MROH2B: variants seen among roughly 807,000 people sequenced by gnomAD.
MROH2B encodes the protein maestro heat like repeat family member 2B.
A neutral mutation model predicts 208.6 loss-of-function variants in MROH2B; 177 were observed. The observed-to-expected ratio is 0.85, with a 90% CI of 0.75 to 0.96. MROH2B has a LOEUF of 0.96. MROH2B is among the 40% of genes least tolerant of loss of function. The pLI is 0.00. For synonymous variants in MROH2B, 728 were observed against 659.0 expected (o/e 1.10, Z -1.60); for missense variants, 2,002 against 1,878.7 (o/e 1.07, Z -1.21).
rs1741724918 is a variant in MROH2B at position 41,010,006 on chromosome 5, A to G, written c.3209T>C (p.Ile1070Thr). ...GGCTATCTGGGAGATGGCTTCTAGA[A>G]TGAACTGAAAACTTTCTTCTTTTTG... ...LRQKEESFQF[I>T]LEAISQIASF... The change falls in exon 31 of 42, where the codon ATT (isoleucine) becomes ACT (threonine). Residue 1070 changes from isoleucine (I) to threonine (T), a missense_variant. Coordinates refer to ENST00000399564, the MANE Select transcript of MROH2B (RefSeq NM_173489.5). 6.2e-7 allele frequency: 1 copy of G among 1,613,784 alleles called. No homozygotes were observed. Among genetic ancestry groups the G allele is most frequent in the Non-Finnish European group, 8.5e-7 (1 of 1,179,836 alleles).
chr5:41,005,473 T>C, intron 35 of MROH2B, 58 bp downstream of exon 35: 1 of 907,072 alleles, frequency 1.1e-6, no homozygotes, highest in Non-Finnish European at 1.6e-6. Context: ...CTCCAGACCA[T>C]AAGAGAAATA....
chr5:41,058,706 A>G (rs1041255326), intron 6 of MROH2B, among the ~76,000 whole-genome samples: 8 of 151,974 alleles, frequency 5.3e-5, no homozygotes, highest in Non-Finnish European at 1.5e-5. Flanking sequence ...TCTCTCTAAT[A>G]CTCACTTTCT....
At chr5:40,998,981 A>T (rs1355124600) in intron 40 of MROH2B, among the ~76,000 whole-genome samples, 5 of 152,158 alleles carry the variant, frequency 3.3e-5, no homozygotes, top group Non-Finnish European at 5.9e-5. Flanking sequence ...TGTCTTCAAA[A>T]ATTTCATAAT....
chr5:41,034,006 G>A (rs1742671415), intron 21 of MROH2B, 142 bp from the exon 22 acceptor site: 7 of 1,399,544 alleles, frequency 5.0e-6, no homozygotes, highest in Non-Finnish European at 6.5e-6. Context: ...GTCTTGCCAA[G>A]GGGAGGGGGG....
At chr5:41,003,098 C>T (rs377285237) in intron 37 of MROH2B, among the ~76,000 whole-genome samples, 2 of 151,850 alleles carry the variant, frequency 1.3e-5, no homozygotes, top group East Asian at 1.9e-4. Flanking sequence ...GTAGCTGGGA[C>T]TACAGGCGCG....
At chr5:41,001,482 A>G (rs954272146) in intron 37 of MROH2B, among the ~76,000 whole-genome samples, 1 of 152,170 alleles carries the variant, frequency 6.6e-6, no homozygotes, top group Non-Finnish European at 1.5e-5. Context: ...GAGCAGAGGC[A>G]GGCAGATCAC....
chr5:41,017,975 A>G lies in MROH2B; in HGVS notation c.2764-5T>C. 6.4e-7 allele frequency: 1 copy of G among 1,570,120 alleles called. No homozygotes were observed. The highest frequency in any genetic ancestry group is 1.2e-5 in the South Asian group (1 of 85,330). On this transcript the variant is annotated splice_polypyrimidine_tract_variant and splice_region_variant and intron_variant, in intron 27 of 41. Transcript: ENST00000399564. ...AATTTTAAAGTTCTCTGGTGCCTGC[A>G]GGATAAAGGAGGCATCCTATTGTGA...
Position 41,057,358 on chromosome 5 carries a change from GCT to G in MROH2B, c.757_758del (p.Ser253ProfsTer12). ...CTGCTGCAGTCAGTATTTGTTTTAGGCTCTAAAGTGGAAACTCCCACAGGTTA... is the reference window on the plus strand; with the variant it reads ...CTGCTGCAGTCAGTATTTGTTTTAGGCTAAAGTGGAAACTCCCACAGGTTA... ...DKEIDFHVTQ[S>X]LKQILTAAVL... On this transcript the variant is annotated frameshift_variant and splice_region_variant, in exon 8 of 42. Coordinates refer to ENST00000399564, the MANE Select transcript of MROH2B (RefSeq NM_173489.5). LOFTEE classifies it high-confidence loss of function. The G allele has an allele frequency of 6.4e-7, 1 of 1,568,520 alleles. No homozygotes were observed. The highest frequency in any genetic ancestry group is 8.7e-7 in the Non-Finnish European group (1 of 1,155,570).
At chr5:41,070,715 A>G in intron 1 of MROH2B, 110 bp downstream of exon 1, 4 of 1,058,586 alleles carry the variant, frequency 3.8e-6, no homozygotes, top group Non-Finnish European at 5.7e-6. Flanking sequence ...TTTGAGGTGT[A>G]CAGTCCTCCC....
rs1743431269 is a variant in MROH2B at position 41,055,809 on chromosome 5, T to C, written c.966A>G (p.Val322=). The change falls in exon 10 of 42, where the codon GTA becomes GTG. Residue 322 remains valine (V), a synonymous_variant. Coordinates refer to ENST00000399564, the MANE Select transcript of MROH2B (RefSeq NM_173489.5). The part of the protein sequence containing the change: ...GELMEFFDEQ[V]RSNNEAIRVG... Reference sequence around the variant, plus strand: ...CTCGAATGGCTTCATTATTACTTCTTACTTGTTCATCAAAAAATTCCATCA... The same window carrying C: ...CTCGAATGGCTTCATTATTACTTCTCACTTGTTCATCAAAAAATTCCATCA... 6.2e-7 allele frequency: 1 copy of C among 1,613,856 alleles called. No individual in the cohort carries two copies. Among genetic ancestry groups the C allele is most frequent in the Admixed American group, 1.7e-5 (1 of 60,022 alleles).
intron 18 of MROH2B, among the ~76,000 whole-genome samples, chr5:41,043,772 G>A (rs1320898350): frequency 6.6e-6 from 1 of 152,160 alleles, no homozygotes; most frequent in Non-Finnish European, 1.5e-5. Context: ...AATCTGGGCT[G>A]GCTTTTTGAC....
chr5:41,024,392 C>A (rs1392913745), intron 24 of MROH2B, among the ~76,000 whole-genome samples: 1 of 152,044 alleles, frequency 6.6e-6, no homozygotes, highest in African/African-American at 2.4e-5. Context: ...ATCCTAGTCT[C>A]TGATAAAACA....
intron 5 of MROH2B, 57 bp from the exon 6 acceptor site, chr5:41,061,781 T>C: frequency 6.5e-7 from 1 of 1,529,442 alleles, no homozygotes; most frequent in South Asian, 1.3e-5. Context: ...GGGCAGACGA[T>C]AAAATAATTT....
At chr5:41,013,544 T>G (rs967038539) in intron 29 of MROH2B, among the ~76,000 whole-genome samples, 4 of 152,224 alleles carry the variant, frequency 2.6e-5, no homozygotes, top group Non-Finnish European at 5.9e-5. Flanking sequence ...TCCCTTTGCA[T>G]TAAGTAGCCA....
chr5:41,063,268 T>C (rs991250011), intron 5 of MROH2B, among the ~76,000 whole-genome samples: 9 of 152,188 alleles, frequency 5.9e-5, no homozygotes, highest in Non-Finnish European at 1.0e-4. Context: ...TGAGTAGGAA[T>C]AGTAAAAAGT....
intron 24 of MROH2B, among the ~76,000 whole-genome samples, chr5:41,028,334 CTT>C (rs1047134759): frequency 1.3e-5 from 2 of 152,202 alleles, no homozygotes; most frequent in African/African-American, 4.8e-5. Flanking sequence ...AATCTACTCA[CTT>C]AGCAAAATCC....
chr5:41,027,065 G>A (rs1289031135), intron 24 of MROH2B, among the ~76,000 whole-genome samples: 1 of 152,164 alleles, frequency 6.6e-6, no homozygotes, highest in Non-Finnish European at 1.5e-5. Context: ...TTAAATGCTA[G>A]ACGTAAAACC....
At position 41,000,790 on chromosome 5, in the gene MROH2B, T is replaced by C. The variant is rs779540249; in HGVS notation, c.4238A>G (p.Asp1413Gly). Residue 1413 changes from aspartate to glycine, a missense_variant, in exon 38 of 42, where the codon GAC (aspartate) becomes GGC (glycine). Physicochemically the swap from Asp to Gly is moderately conservative, Grantham distance 94. Transcript: ENST00000399564. Reference sequence around the variant, plus strand: ...CCTTCTTCCTGTTAGGGGTGCCAGGTCCTCAAATAAGAAGATGGCAGTCAA... The same window carrying C: ...CCTTCTTCCTGTTAGGGGTGCCAGGCCCTCAAATAAGAAGATGGCAGTCAA... ...VRLTAIFLFE[D>G]LAPLTGRRWK... is the part of the protein sequence containing the mutation. 6.2e-7 allele frequency: 1 copy of C among 1,611,612 alleles called. No homozygotes were observed. Among genetic ancestry groups the C allele is most frequent in the South Asian group, 1.1e-5 (1 of 90,340 alleles).
Position 41,033,141 on chromosome 5 carries a change from C to T in MROH2B, c.2261G>A (p.Ser754Asn). The change falls in exon 23 of 42, where the codon AGT (serine) becomes AAT (asparagine). Residue 754 changes from serine (S) to asparagine (N), a missense_variant. Transcript: ENST00000399564. ...VMNKDMDLQM[S>N]FTRSITEIGI... Reference sequence around the variant, plus strand: ...AATCTCAGTGATGCTTCTTGTGAAACTCATTTGCAGATCCATGTCCTAAAG... The same window carrying T: ...AATCTCAGTGATGCTTCTTGTGAAATTCATTTGCAGATCCATGTCCTAAAG... 1 of 1,612,868 alleles carries T rather than the reference C, an allele frequency of 6.2e-7. No individual in the cohort carries two copies. Among genetic ancestry groups the T allele is most frequent in the Non-Finnish European group, 8.5e-7 (1 of 1,179,166 alleles).
Sources: gnomAD v4.1 joint callset for allele counts (sites outside exome capture counted in the v4.1 genomes callset) on GRCh38, gnomAD v4.1.1 for gene constraint, MANE v1.5 for transcripts, NCBI Gene and HGNC (gene_info 2026-07-23, HGNC 2026-07-21) for gene names.